CRIM1: variants seen among roughly 807,000 people sequenced by gnomAD.
CRIM1 encodes cysteine-rich motor neuron 1 protein.
In CRIM1, 32 loss-of-function variants were observed where a neutral mutation model predicts 116.4. The ratio of observed to expected loss-of-function variants is 0.27; its 90% CI spans 0.21 to 0.37. The LOEUF is 0.37. Ranked by LOEUF, CRIM1 falls within the 10% of genes least tolerant of loss-of-function variation. The pLI is 1.00. For missense variants in CRIM1, 1,331 were observed against 1,354.8 expected (o/e 0.98, Z 0.28); for synonymous variants, 590 against 509.2 (o/e 1.16, Z -2.13).
chr2:36,358,317 C>A (rs985529998), intron 1 of CRIM1, among the ~76,000 whole-genome samples: 4 of 152,158 alleles, frequency 2.6e-5, no homozygotes, highest in African/African-American at 9.7e-5. Context: ...TGAACCCTGC[C>A]GCTTCAAGTG....
chr2:36,466,972 A>G (rs948206082), intron 5 of CRIM1, among the ~76,000 whole-genome samples: 11 of 152,184 alleles, frequency 7.2e-5, no homozygotes, highest in Non-Finnish European at 1.3e-4. Context: ...TTATCAGAAC[A>G]TAGACTTTAT....
chr2:36,474,440 C>T (rs1039616246), intron 5 of CRIM1, among the ~76,000 whole-genome samples: 1 of 152,180 alleles, frequency 6.6e-6, no homozygotes, highest in Non-Finnish European at 1.5e-5. Context: ...TCTAAGAGCA[C>T]TGTAGGTGTA....
Position 36,522,268 on chromosome 2 carries a change from G to C in CRIM1, c.2383G>C (p.Glu795Gln). ...FSESCPSVSC[E>Q]RPVLRKGQCC... ...TGAGTCCTGCCCTTCTGTATCCTGT[G>C]AAAGACCTGTCTTGAGAAAAGGCCA... The change falls in exon 13 of 17, where the codon GAA becomes CAA. Residue 795 changes from glutamate to glutamine, a missense_variant. Physicochemically the swap from Glu to Gln is conservative, Grantham distance 29. Around this residue, in one of 3 missense-constraint regions of CRIM1, gnomAD observed 358 missense variants for 436.1 expected, o/e 0.82. Transcript: ENST00000280527. 6.2e-7 allele frequency: 1 copy of C among 1,614,094 alleles called. No homozygotes were observed. The highest frequency in any genetic ancestry group is 8.5e-7 in the Non-Finnish European group (1 of 1,180,018).
At chr2:36,501,616 A>G (rs1681000691) in intron 8 of CRIM1, among the ~76,000 whole-genome samples, 1 of 152,130 alleles carries the variant, frequency 6.6e-6, no homozygotes, top group African/African-American at 2.4e-5. Context: ...CAGCTACTCA[A>G]GAGTCTAAGG....
intron 2 of CRIM1, among the ~76,000 whole-genome samples, chr2:36,399,367 C>G (rs1013233404): frequency 6.6e-6 from 1 of 152,194 alleles, no homozygotes; most frequent in Non-Finnish European, 1.5e-5. Context: ...AGCTTTTCAG[C>G]TGTTTAGATG....
chr2:36,463,441 A>G (rs1481430007), intron 4 of CRIM1, among the ~76,000 whole-genome samples: 1 of 152,180 alleles, frequency 6.6e-6, no homozygotes, highest in African/African-American at 2.4e-5. Context: ...CCTCTACCGT[A>G]TGTAAATACC....
At chr2:36,410,809 A>G (rs1269028553) in intron 2 of CRIM1, among the ~76,000 whole-genome samples, 1 of 151,916 alleles carries the variant, frequency 6.6e-6, no homozygotes, top group Non-Finnish European at 1.5e-5. Flanking sequence ...GCAACAGTGT[A>G]CATGAAAAGA....
At chr2:36,502,593 A>G (rs965824627) in intron 8 of CRIM1, among the ~76,000 whole-genome samples, 14 of 152,360 alleles carry the variant, frequency 9.2e-5, no homozygotes, top group African/African-American at 3.1e-4. Flanking sequence ...TATTAAGGCC[A>G]CAAAGATGAC....
At chr2:36,421,243 CT>C (rs1674040630) in intron 2 of CRIM1, among the ~76,000 whole-genome samples, 1 of 152,086 alleles carries the variant, frequency 6.6e-6, no homozygotes, top group Admixed American at 6.5e-5. Flanking sequence ...ATGGTATGTG[CT>C]TTTTCCTGAT....
intron 1 of CRIM1, among the ~76,000 whole-genome samples, chr2:36,396,341 A>C (rs928410599): frequency 6.6e-6 from 1 of 152,238 alleles, no homozygotes; most frequent in Admixed American, 6.5e-5. Flanking sequence ...TTGTTGTTGT[A>C]ATAACACATT....
Position 36,464,565 on chromosome 2 carries a change from C to T in CRIM1, c.901C>T (p.Pro301Ser). ...GTGTCTCTCTGGCTTATGTGGTTTCCCCGTGTGTGAGGTGGGATCCACTCC... is the reference window on the plus strand; with the variant it reads ...GTGTCTCTCTGGCTTATGTGGTTTCTCCGTGTGTGAGGTGGGATCCACTCC... ...CECLSGLCGF[P>S]VCEVGSTPRI... is the part of the protein sequence containing the mutation. Residue 301 changes from proline to serine, a missense_variant, in exon 5 of 17, where the codon CCC becomes TCC. Coordinates refer to ENST00000280527, the MANE Select transcript of CRIM1 (RefSeq NM_016441.3). 2 of 1,614,054 alleles carry T rather than the reference C, an allele frequency of 1.2e-6. No individual in the cohort carries two copies. Among genetic ancestry groups the T allele is most frequent in the Non-Finnish European group, 1.7e-6 (2 of 1,180,022 alleles).
intron 4 of CRIM1, among the ~76,000 whole-genome samples, chr2:36,461,520 AC>A (rs913140220): frequency 6.6e-6 from 1 of 152,188 alleles, no homozygotes; most frequent in African/African-American, 2.4e-5. Flanking sequence ...AACACAGAGA[AC>A]AGGAAACCCT....
Position 36,464,587 on chromosome 2 carries a change from C to G in CRIM1, c.923C>G (p.Thr308Ser). ...CGFPVCEVGS[T>S]PRIVSRGDGT... is the part of the protein sequence containing the mutation. Reference sequence around the variant, plus strand: ...TTCCCCGTGTGTGAGGTGGGATCCACTCCCCGCATAGTCTCTCGTGGCGAT... The same window carrying G: ...TTCCCCGTGTGTGAGGTGGGATCCAGTCCCCGCATAGTCTCTCGTGGCGAT... Residue 308 changes from threonine to serine, a missense_variant, in exon 5 of 17, where the codon ACT becomes AGT. Thr to Ser is a moderately conservative substitution (Grantham distance 58, BLOSUM62 1). This residue lies in a region of CRIM1 where 690 missense variants were observed against 676.0 expected (regional missense o/e 1.02). Transcript: ENST00000280527. 1 of 1,614,124 alleles carries G rather than the reference C, an allele frequency of 6.2e-7. No homozygotes were observed.
intron 1 of CRIM1, among the ~76,000 whole-genome samples, chr2:36,374,141 G>T (rs139792260): frequency 1.8e-3 from 270 of 152,330 alleles, no homozygotes; most frequent in African/African-American, 6.2e-3. Flanking sequence ...ATATTCCTTA[G>T]AAGTTTTCAT....
At chr2:36,532,070 G>A (rs1377337911) in intron 13 of CRIM1, 5 of 461,242 alleles carry the variant, frequency 1.1e-5, no homozygotes, top group Non-Finnish European at 2.2e-5. Flanking sequence ...GGATAAGATA[G>A]GGGCCATAGC....
At chr2:36,451,450 A>C (rs1171230462) in intron 4 of CRIM1, among the ~76,000 whole-genome samples, 2 of 152,238 alleles carry the variant, frequency 1.3e-5, no homozygotes. Flanking sequence ...CAAAAAGCAC[A>C]TATACATATG....
chr2:36,506,181 TCACACACACACACA>T (rs3076519), intron 8 of CRIM1, among the ~76,000 whole-genome samples: 44 of 120,960 alleles, frequency 3.6e-4, no homozygotes, highest in South Asian at 8.6e-4. Context: ...TCTCTCTCTC[TCACACACACACACA>T]CACACACACA....
At chr2:36,507,390 T>C (rs940087662) in intron 8 of CRIM1, among the ~76,000 whole-genome samples, 10 of 152,360 alleles carry the variant, frequency 6.6e-5, no homozygotes, top group South Asian at 4.1e-4. Context: ...GCAGTCTTGA[T>C]GACAGTGGAG....
chr2:36,379,200 T>C (rs563925104), intron 1 of CRIM1: 1 of 152,316 alleles, frequency 6.6e-6, no homozygotes, highest in South Asian at 2.1e-4. Flanking sequence ...GTAGTCAACT[T>C]AAAATGAAAT....
Sources: allele counts gnomAD v4.1 joint callset (sites outside exome capture counted in the v4.1 genomes callset), GRCh38; gene constraint gnomAD v4.1.1; regional missense constraint gnomAD v4.1.1; transcripts MANE v1.5; gene names NCBI Gene and HGNC (gene_info 2026-07-23, HGNC 2026-07-21).